FAM13B: variants seen among roughly 807,000 people sequenced by gnomAD.
The protein encoded by FAM13B is family with sequence similarity 13 member B, also known as protein FAM13B.
A neutral mutation model predicts 117.3 loss-of-function variants in FAM13B; 60 were observed. The ratio of observed to expected loss-of-function variants is 0.51; its 90% CI spans 0.42 to 0.63. The LOEUF (loss-of-function observed/expected upper bound fraction) is 0.63. Ranked by LOEUF, FAM13B falls within the 30% of genes least tolerant of loss-of-function variation. The pLI, the probability that FAM13B is intolerant of heterozygous loss-of-function variation, is 0.00. For synonymous variants in FAM13B, 332 were observed against 356.1 expected, an observed-to-expected ratio of 0.93 and a Z score of 0.76; for missense variants, 972 against 1,091.9, an observed-to-expected ratio of 0.89 and a Z score of 1.55.
intron 7 of FAM13B, among the ~76,000 whole-genome samples, chr5:137,991,066 T>C (rs1431029099): frequency 1.3e-5 from 2 of 152,222 alleles, no homozygotes; most frequent in African/African-American, 4.8e-5. Flanking sequence ...ATGGATTTTA[T>C]ACCATAAAGT....
chr5:137,964,613 C>A (rs758306636), intron 10 of FAM13B, among the ~76,000 whole-genome samples: 1 of 151,646 alleles, frequency 6.6e-6, no homozygotes, highest in Admixed American at 6.6e-5. Flanking sequence ...CCCAGCTACT[C>A]GGGAGACTGA....
chr5:137,979,525 G>C (rs1419782171), intron 10 of FAM13B, among the ~76,000 whole-genome samples: 1 of 152,018 alleles, frequency 6.6e-6, no homozygotes, highest in African/African-American at 2.4e-5. Flanking sequence ...TAGTATTCCA[G>C]GCTCTACGTA....
chr5:137,996,469 G>C (rs1779889763), intron 7 of FAM13B, among the ~76,000 whole-genome samples: 1 of 151,972 alleles, frequency 6.6e-6, no homozygotes, highest in Non-Finnish European at 1.5e-5. Context: ...TAAACCCATG[G>C]CTCTTCCTAA....
intron 1 of FAM13B, among the ~76,000 whole-genome samples, chr5:138,042,634 T>C (rs918638986): frequency 2.9e-5 from 1 of 34,616 alleles, no homozygotes; most frequent in African/African-American, 9.3e-5. Flanking sequence ...GGGAAAAACT[T>C]AAAAGAAAAA....
upstream of FAM13B, among the ~76,000 whole-genome samples, chr5:138,034,226 G>C (rs1334617121): frequency 2.0e-5 from 3 of 152,198 alleles, no homozygotes; most frequent in Admixed American, 2.0e-4. Flanking sequence ...CTAATGACCA[G>C]AACCAACACT....
In FAM13B at chr5:137,955,117, T is replaced by C. The variant is rs953178766; in HGVS notation, c.1508-741A>G. 2.6e-4 allele frequency among the ~76,000 whole-genome samples: 39 copies of C among 152,232 alleles called. 1 individual carries two copies. The highest frequency in any genetic ancestry group is 9.2e-4 in the African/African-American group (38 of 41,456). On this transcript the variant is annotated intron_variant, in intron 14 of 23. Coordinates refer to ENST00000689681, the MANE Select transcript of FAM13B (RefSeq NM_001385994.1). ...ACCAGAAACAGCAAGAACTGAACAG[T>C]TCTTTCTTAGAAATTTAATTTAAAA... is the stretch of plus-strand genomic sequence containing the variant.
chr5:138,012,982 T>A (rs1784417729), intron 4 of FAM13B, among the ~76,000 whole-genome samples: 1 of 151,630 alleles, frequency 6.6e-6, no homozygotes, highest in Non-Finnish European at 1.5e-5. Context: ...GACAGGCGCA[T>A]CACCTGAGCT....
At chr5:138,024,953 C>T (rs1221998262) in intron 1 of FAM13B, among the ~76,000 whole-genome samples, 17 of 152,062 alleles carry the variant, frequency 1.1e-4, no homozygotes. Context: ...TCACTGCAAC[C>T]TCTGTCTCCT....
intron 17 of FAM13B, among the ~76,000 whole-genome samples, chr5:137,951,203 C>T (rs1378765755): frequency 2.0e-5 from 1 of 50,490 alleles, no homozygotes; most frequent in African/African-American, 6.7e-5. Flanking sequence ...AAAACCCTGT[C>T]TCAAACAAAA....
At chr5:138,020,040 T>C in intron 2 of FAM13B, 1 of 950,468 alleles carries the variant, frequency 1.1e-6, no homozygotes, top group African/African-American at 1.8e-5. Context: ...CAATAAGAGA[T>C]GTCCTTTTAT....
intron 10 of FAM13B, among the ~76,000 whole-genome samples, chr5:137,977,464 G>C (rs1172278344): frequency 6.6e-6 from 1 of 152,030 alleles, no homozygotes; most frequent in African/African-American, 2.4e-5. Flanking sequence ...TTACAGCTTG[G>C]GGGGCATCAC....
intron 9 of FAM13B, among the ~76,000 whole-genome samples, chr5:137,987,228 C>T (rs1191751659): frequency 3.3e-5 from 5 of 151,590 alleles, no homozygotes; most frequent in South Asian, 2.1e-4. Flanking sequence ...AAAAAAACAA[C>T]AAAAAACAAA....
intron 20 of FAM13B, among the ~76,000 whole-genome samples, chr5:137,945,208 A>C (rs1260177974): frequency 1.3e-5 from 2 of 152,218 alleles, no homozygotes; most frequent in Non-Finnish European, 2.9e-5. Context: ...AGCAAACCAG[A>C]AGGTTCAGTG....
chr5:138,051,032 G>A (rs1791785592), intron 1 of FAM13B, among the ~76,000 whole-genome samples: 1 of 151,936 alleles, frequency 6.6e-6, no homozygotes, highest in African/African-American at 2.4e-5. Context: ...GGGGGGGGGA[G>A]AATGAAAAGC....
intron 10 of FAM13B, among the ~76,000 whole-genome samples, chr5:137,980,296 T>C (rs769422331): frequency 1.3e-5 from 2 of 152,170 alleles, no homozygotes; most frequent in Non-Finnish European, 2.9e-5. Context: ...AGAGTATCAC[T>C]GAACTTCTTA....
chr5:138,010,906 G>T (rs1456478529), intron 6 of FAM13B, 102 bp downstream of exon 6: 2 of 1,180,394 alleles, frequency 1.7e-6, no homozygotes, highest in East Asian at 3.0e-5. Context: ...TTCCAGGTCA[G>T]ATTTAAATTC....
At chr5:137,978,620 T>C (rs993874687) in intron 10 of FAM13B, among the ~76,000 whole-genome samples, 4 of 152,138 alleles carry the variant, frequency 2.6e-5, no homozygotes, top group African/African-American at 9.7e-5. Flanking sequence ...TCCTTTTACC[T>C]CTCTATTTTG....
intron 17 of FAM13B, 40 bp downstream of exon 17, chr5:137,952,588 T>C: frequency 1.5e-6 from 2 of 1,370,840 alleles, no homozygotes; most frequent in Non-Finnish European, 2.0e-6. Flanking sequence ...TAAAAAAATT[T>C]TTAAAATGCA....
At chr5:137,974,320 G>A (rs2150430336) in intron 10 of FAM13B, among the ~76,000 whole-genome samples, 1 of 151,892 alleles carries the variant, frequency 6.6e-6, no homozygotes, top group Non-Finnish European at 1.5e-5. Context: ...GGACATGGAT[G>A]AAATTGGAAA....
Sources: gnomAD v4.1 joint callset for allele counts (sites outside exome capture counted in the v4.1 genomes callset) on GRCh38, gnomAD v4.1.1 for gene constraint, MANE v1.5 for transcripts, NCBI Gene and HGNC (gene_info 2026-07-23, HGNC 2026-07-21) for gene names.